Variants in UBE2E2 observed in about 807,000 individuals in gnomAD.
The protein encoded by UBE2E2 is ubiquitin-conjugating enzyme E2 E2.
A neutral mutation model predicts 24.7 loss-of-function variants in UBE2E2; 6 were observed. That is an observed-to-expected ratio of 0.24 (90% CI 0.13 to 0.48). UBE2E2 has a LOEUF of 0.48. Ranked by LOEUF, UBE2E2 falls within the 20% of genes least tolerant of loss-of-function variation. The pLI, the probability that UBE2E2 is intolerant of heterozygous loss-of-function variation, is 0.99. For missense variants in UBE2E2, 169 were observed against 245.0 expected (o/e 0.69, Z 2.07); for synonymous variants, 104 against 83.6 (o/e 1.24, Z -1.33).
intron 3 of UBE2E2, among the ~76,000 whole-genome samples, chr3:23,376,990 A>T (rs1451459960): frequency 6.6e-6 from 1 of 152,178 alleles, no homozygotes; most frequent in African/African-American, 2.4e-5. Flanking sequence ...ATAGCAAACT[A>T]TGTAAGTGTT....
intron 3 of UBE2E2, among the ~76,000 whole-genome samples, chr3:23,465,672 C>A (rs368109130): frequency 6.6e-6 from 1 of 152,200 alleles, no homozygotes; most frequent in East Asian, 1.9e-4. Flanking sequence ...CTACAGAACC[C>A]TGTATCTCTA....
intron 3 of UBE2E2, among the ~76,000 whole-genome samples, chr3:23,226,235 TG>T (rs1456769324): frequency 1.3e-5 from 2 of 148,274 alleles, no homozygotes; most frequent in Non-Finnish European, 3.0e-5. Context: ...AAAGTGTGTG[TG>T]GGGGTTATTT....
At chr3:23,206,631 A>C (rs1696154920) in intron 1 of UBE2E2, among the ~76,000 whole-genome samples, 1 of 151,934 alleles carries the variant, frequency 6.6e-6, no homozygotes, top group African/African-American at 2.4e-5. Context: ...AGGATTCACT[A>C]TTTTCTGTTG....
chr3:23,387,861 G>C (rs1696838425), intron 3 of UBE2E2, among the ~76,000 whole-genome samples: 1 of 152,140 alleles, frequency 6.6e-6, no homozygotes. Flanking sequence ...AACAGAATTA[G>C]ACTTTTTCTC....
At chr3:23,450,513 G>A (rs910938542) in intron 3 of UBE2E2, among the ~76,000 whole-genome samples, 1 of 151,978 alleles carries the variant, frequency 6.6e-6, no homozygotes, top group Non-Finnish European at 1.5e-5. Context: ...TATCATCTCA[G>A]AAAAATTTGC....
intron 3 of UBE2E2, among the ~76,000 whole-genome samples, chr3:23,299,083 T>C (rs1407749984): frequency 6.6e-6 from 1 of 152,200 alleles, no homozygotes; most frequent in African/African-American, 2.4e-5. Context: ...CATAGAGGTG[T>C]TTATAGTATT....
intron 3 of UBE2E2, among the ~76,000 whole-genome samples, chr3:23,382,640 T>A (rs1477504708): frequency 1.3e-5 from 2 of 152,258 alleles, no homozygotes; most frequent in East Asian, 3.8e-4. Flanking sequence ...TTTCTATTCC[T>A]AACCAAATTA....
intron 3 of UBE2E2, among the ~76,000 whole-genome samples, chr3:23,335,154 A>G (rs1483432138): frequency 6.6e-6 from 1 of 152,142 alleles, no homozygotes; most frequent in Non-Finnish European, 1.5e-5. Context: ...TCTCAAATAT[A>G]TTTCCTTAAA....
chr3:23,537,305 A>C (rs1695289625), intron 5 of UBE2E2, among the ~76,000 whole-genome samples: 1 of 152,232 alleles, frequency 6.6e-6, no homozygotes, highest in Non-Finnish European at 1.5e-5. Flanking sequence ...TATACAGGTC[A>C]GGTCAAATGA....
At chr3:23,368,240 G>A (rs1403576413) in intron 3 of UBE2E2, among the ~76,000 whole-genome samples, 1 of 152,078 alleles carries the variant, frequency 6.6e-6, no homozygotes, top group African/African-American at 2.4e-5. Flanking sequence ...ATTGTGAAAT[G>A]GCAAAGTTGA....
At chr3:23,375,984 T>C (rs1696512552) in intron 3 of UBE2E2, among the ~76,000 whole-genome samples, 1 of 152,202 alleles carries the variant, frequency 6.6e-6, no homozygotes, top group Middle Eastern at 3.2e-3. Flanking sequence ...CTCAGTAATA[T>C]ACAAGTATAA....
At chr3:23,220,224 A>G (rs1173248327) in intron 3 of UBE2E2, among the ~76,000 whole-genome samples, 1 of 152,190 alleles carries the variant, frequency 6.6e-6, no homozygotes, top group African/African-American at 2.4e-5. Flanking sequence ...TTTAAAGAAC[A>G]CCTACAAATG....
At chr3:23,203,241 G>A (rs1696007980), upstream of UBE2E2, 13 of 988,252 alleles carry the variant, frequency 1.3e-5, no homozygotes, top group Non-Finnish European at 1.6e-5. Context: ...GGCCGGGGGC[G>A]GCGGCAGCGG....
intron 3 of UBE2E2, among the ~76,000 whole-genome samples, chr3:23,350,664 A>G (rs1391781483): frequency 6.6e-6 from 1 of 152,206 alleles, no homozygotes; most frequent in Non-Finnish European, 1.5e-5. Flanking sequence ...AATGAAATGA[A>G]GCAAGAAGGG....
At chr3:23,426,878 CTG>C (rs1423302725) in intron 3 of UBE2E2, among the ~76,000 whole-genome samples, 1 of 151,896 alleles carries the variant, frequency 6.6e-6, no homozygotes, top group African/African-American at 2.4e-5. Context: ...ACAGATCAAT[CTG>C]TACAAAATAA....
intron 3 of UBE2E2, among the ~76,000 whole-genome samples, chr3:23,300,415 C>G (rs1319581966): frequency 1.3e-5 from 2 of 152,190 alleles, no homozygotes. Context: ...TTTGCAGTGG[C>G]TGGTACCGGT....
intron 3 of UBE2E2, among the ~76,000 whole-genome samples, chr3:23,390,364 G>A (rs949728342): frequency 3.9e-5 from 6 of 152,082 alleles, no homozygotes; most frequent in Admixed American, 2.6e-4. Context: ...ACTGATTGTC[G>A]GAGACTACAG....
rs1696018710 is a variant in UBE2E2, at chr3:23,203,400, C to G, written c.-73C>G. ...CTCCCCAGTCTCCCTCCCCCTCGCG[C>G]CTGGGCAGCTCTCTCCCAGGGCTTC... On this transcript the variant is annotated 5_prime_UTR_variant, in exon 1 of 6. Coordinates refer to ENST00000396703, the MANE Select transcript of UBE2E2 (RefSeq NM_152653.4). 1 of 985,380 alleles carries G rather than the reference C, an allele frequency of 1.0e-6. No individual in the cohort carries two copies. The highest frequency in any genetic ancestry group is 1.8e-5 in the African/African-American group (1 of 57,090). 61.0% of individuals were successfully genotyped at this position (985,380 alleles called of 1,614,324 possible). A position where few individuals can be genotyped will look rare whatever the true frequency, so the allele number is the denominator to read the frequency against.
At chr3:23,204,808 A>G (rs528916386) in intron 1 of UBE2E2, 127 of 956,072 alleles carry the variant, frequency 1.3e-4, no homozygotes, top group Non-Finnish European at 1.5e-4. Context: ...ATTTTAGAAA[A>G]GTTTAGAAAC....
Sources: allele counts gnomAD v4.1 joint callset (sites outside exome capture counted in the v4.1 genomes callset), GRCh38; gene constraint gnomAD v4.1.1; transcripts MANE v1.5; gene names NCBI Gene and HGNC (gene_info 2026-07-23, HGNC 2026-07-21).